Variants in PDE8A observed in about 807,000 individuals in gnomAD.
PDE8A encodes phosphodiesterase 8A.
Under a neutral mutation model 105.0 loss-of-function variants are expected in PDE8A, and 59 were observed. The observed-to-expected ratio is 0.56, with a 90% CI of 0.46 to 0.70. The LOEUF (loss-of-function observed/expected upper bound fraction) is 0.70. PDE8A is among the 30% of genes least tolerant of loss of function. The pLI, the probability that PDE8A is intolerant of heterozygous loss-of-function variation, is 0.00. For missense variants in PDE8A, 1,014 were observed against 1,045.9 expected (o/e 0.97, Z 0.42); for synonymous variants, 355 against 371.9 (o/e 0.95, Z 0.52).
chr15:85,053,059 A>G (rs989202412), intron 1 of PDE8A, among the ~76,000 whole-genome samples: 7 of 152,190 alleles, frequency 4.6e-5, no homozygotes, highest in African/African-American at 1.7e-4. Flanking sequence ...TTTTCCCAGC[A>G]CTATTTATTA....
chr15:84,985,719 A>G (rs1341451006), intron 1 of PDE8A, among the ~76,000 whole-genome samples: 1 of 152,130 alleles, frequency 6.6e-6, no homozygotes, highest in Non-Finnish European at 1.5e-5. Context: ...CCGTAAACGT[A>G]TGTTGAATTA....
intron 1 of PDE8A, among the ~76,000 whole-genome samples, chr15:84,999,076 A>C (rs2080024198): frequency 6.6e-6 from 1 of 150,922 alleles, no homozygotes; most frequent in African/African-American, 2.4e-5. Context: ...TCTCCCATCT[A>C]CACAGAGAAC....
At chr15:85,062,295 G>T (rs955281761) in intron 1 of PDE8A, among the ~76,000 whole-genome samples, 3 of 152,166 alleles carry the variant, frequency 2.0e-5, no homozygotes, top group Non-Finnish European at 4.4e-5. Context: ...GGCCATCTCT[G>T]TGCCAAGGAT....
chr15:85,015,603 G>A (rs1410431595), intron 1 of PDE8A, among the ~76,000 whole-genome samples: 2 of 152,060 alleles, frequency 1.3e-5, no homozygotes, highest in Non-Finnish European at 2.9e-5. Flanking sequence ...CTACTGCCTT[G>A]CCATAGAATA....
chr15:84,994,128 A>G (rs1351671681), intron 1 of PDE8A, among the ~76,000 whole-genome samples: 2 of 152,042 alleles, frequency 1.3e-5, no homozygotes, highest in Admixed American at 6.6e-5. Flanking sequence ...ATTTTAAGTC[A>G]CGAATTCATT....
chr15:85,092,728 A>G (rs951043292), intron 8 of PDE8A, among the ~76,000 whole-genome samples: 3 of 152,030 alleles, frequency 2.0e-5, no homozygotes, highest in African/African-American at 7.2e-5. Flanking sequence ...TAAGGAAGGG[A>G]TGTGCTATAA....
At chr15:85,018,035 C>G (rs2080358024) in intron 1 of PDE8A, among the ~76,000 whole-genome samples, 1 of 151,924 alleles carries the variant, frequency 6.6e-6, no homozygotes, top group Non-Finnish European at 1.5e-5. Flanking sequence ...GTTATAATAT[C>G]CAGAATAAGT....
Position 85,071,664 on chromosome 15 carries a change from C to T in PDE8A, c.435-4198C>T, listed in dbSNP as rs983290401. On this transcript the variant is annotated intron_variant, in intron 3 of 21. Transcript: ENST00000394553. ...AACTGTGCTTGTTGATGTGATCTAC[C>T]GCCCAGACCTAAGAGGAGGACAGCT... 5.3e-5 allele frequency among the ~76,000 whole-genome samples: 8 copies of T among 152,272 alleles called. No homozygotes were observed. The East Asian group carries it at 5.8e-4, about 11-fold the overall frequency.
At chr15:85,045,273 G>T (rs1316288817) in intron 1 of PDE8A, among the ~76,000 whole-genome samples, 1 of 152,180 alleles carries the variant, frequency 6.6e-6, no homozygotes, top group Non-Finnish European at 1.5e-5. Context: ...AGACCATTTG[G>T]CACATAGTGG....
At chr15:85,082,915 A>T (rs1308935071) in intron 5 of PDE8A, among the ~76,000 whole-genome samples, 2 of 152,350 alleles carry the variant, frequency 1.3e-5, no homozygotes, top group African/African-American at 4.8e-5. Context: ...AGATATTTCC[A>T]CTATGTAAAG....
chr15:85,072,208 A>G (rs1051829749), intron 3 of PDE8A, among the ~76,000 whole-genome samples: 5 of 152,200 alleles, frequency 3.3e-5, no homozygotes, highest in Non-Finnish European at 7.3e-5. Context: ...GGCAGAGAAA[A>G]ATAGCAAAGC....
chr15:85,023,394 T>C (rs2080461040), intron 1 of PDE8A, among the ~76,000 whole-genome samples: 1 of 152,082 alleles, frequency 6.6e-6, no homozygotes, highest in African/African-American at 2.4e-5. Flanking sequence ...ATTGGGTTGG[T>C]TGGGGATGGG....
Position 84,982,022 on chromosome 15 carries a change from T to TCCTGACGCGAGATCCGCGCTC in PDE8A, c.-140_-120dup. ...CCGCGATAAAAGGGGCGGCCGCGTT[T>TCCTGACGCGAGATCCGCGCTC]CCTGACGCGAGATCCGCGCTCGCCG... is the stretch of plus-strand genomic sequence containing the variant. On this transcript the variant is annotated 5_prime_UTR_variant, in exon 1 of 22. Transcript: ENST00000394553. 1 of 387,478 alleles carries TCCTGACGCGAGATCCGCGCTC rather than the reference T, an allele frequency of 2.6e-6. No homozygotes were observed. The highest frequency in any genetic ancestry group is 4.2e-6 in the Non-Finnish European group (1 of 238,820). The allele number at this position is 387,478 out of a possible 1,614,324, so 24.0% of individuals were successfully genotyped here.
At chr15:85,093,511 G>A (rs1040931284) in intron 8 of PDE8A, among the ~76,000 whole-genome samples, 5 of 152,210 alleles carry the variant, frequency 3.3e-5, no homozygotes, top group Non-Finnish European at 7.3e-5. Flanking sequence ...ATGGCCAGAT[G>A]GCTAGGAGTT....
Position 85,112,263 on chromosome 15 carries a change from T to G in PDE8A, c.1115-1114T>G, listed in dbSNP as rs2082031654. ...TTGTGAAATGACTAAATCAGGCTAA[T>G]TAACGTGTATTACCTCATACACTTT... On this transcript the variant is annotated intron_variant, in intron 12 of 21. Coordinates refer to ENST00000394553, the MANE Select transcript of PDE8A (RefSeq NM_002605.3). Among the ~76,000 whole-genome samples, 4 of 152,226 alleles carry G rather than the reference T, an allele frequency of 2.6e-5. No individual in the cohort carries two copies. The South Asian group carries it at 8.3e-4, about 32-fold the overall frequency.
chr15:85,137,779 T>A lies in PDE8A; in HGVS notation c.2384-18T>A, dbSNP rs746858762. The stretch of plus-strand genomic sequence containing the variant: ...CAGAGGCTGTGAAAGCATATCACAT[T>A]CCTATCTTTCTCTCCAGCCTTTGTA... On this transcript the variant is annotated intron_variant, in intron 21 of 21. Transcript: ENST00000394553. 4.7e-6 allele frequency: 7 copies of A among 1,473,732 alleles called. No individual in the cohort carries two copies. The highest frequency in any genetic ancestry group is 1.7e-5 in the Admixed American group (1 of 59,762). 91.3% of individuals were successfully genotyped at this position (1,473,732 alleles called of 1,614,324 possible).
chr15:85,020,431 C>T (rs1400057586), intron 1 of PDE8A, among the ~76,000 whole-genome samples: 1 of 152,160 alleles, frequency 6.6e-6, no homozygotes, highest in Admixed American at 6.5e-5. Context: ...CGGCGAAACC[C>T]TGTCTCTACT....
chr15:85,111,633 A>G (rs1295473826), intron 12 of PDE8A, among the ~76,000 whole-genome samples: 5 of 152,208 alleles, frequency 3.3e-5, no homozygotes, highest in South Asian at 4.1e-4. Context: ...GGTAGTAGGT[A>G]GCTGTTCTTC....
At chr15:85,103,308 C>T (rs1350475738) in intron 11 of PDE8A, among the ~76,000 whole-genome samples, 1 of 152,174 alleles carries the variant, frequency 6.6e-6, no homozygotes, top group East Asian at 1.9e-4. Flanking sequence ...GTGATGCAGT[C>T]AGAGGAAATG....
Sources: gnomAD v4.1 joint callset for allele counts (sites outside exome capture counted in the v4.1 genomes callset) on GRCh38, gnomAD v4.1.1 for gene constraint, MANE v1.5 for transcripts, NCBI Gene and HGNC (gene_info 2026-07-23, HGNC 2026-07-21) for gene names.